LINGO2: variants seen among roughly 807,000 people sequenced by gnomAD.
The protein encoded by LINGO2 is leucine-rich repeat and immunoglobulin-like domain-containing nogo receptor-interacting protein 2.
In LINGO2, 14 loss-of-function variants were observed where a neutral mutation model predicts 30.6. That is an observed-to-expected ratio of 0.46 (90% confidence interval 0.30 to 0.72). The LOEUF (loss-of-function observed/expected upper bound fraction) is 0.72, where lower values mean the gene tolerates loss of function less well. Among genes scored for constraint, LINGO2 ranks in the 30% least tolerant of loss-of-function variants. The pLI is 0.07. For synonymous variants in LINGO2, 317 were observed against 288.5 expected (o/e 1.10, Z -1.00); for missense variants, 729 against 751.7 (o/e 0.97, Z 0.35).
chr9:28,395,158 G>C (rs908879714), intron 2 of LINGO2, among the ~76,000 whole-genome samples: 3 of 152,126 alleles, frequency 2.0e-5, no homozygotes, highest in Non-Finnish European at 4.4e-5. Flanking sequence ...ACTGATAACT[G>C]TCCTTATTTG....
intron 2 of LINGO2, among the ~76,000 whole-genome samples, chr9:28,385,542 A>G (rs1422920819): frequency 6.6e-6 from 1 of 152,138 alleles, no homozygotes. Flanking sequence ...CTGGGCAAAT[A>G]AAATTAGGCT....
At chr9:28,734,434 C>T in the LINGO2 span, among the ~76,000 whole-genome samples, 199 of 152,126 alleles carry the variant, frequency 1.3e-3, 1 homozygote, top group South Asian at 9.2e-3. Context: ...CCTCAGTTGA[C>T]GGCAGGAAAC....
chr9:28,195,365 C>T (rs1045414316), intron 4 of LINGO2, among the ~76,000 whole-genome samples: 14 of 126,336 alleles, frequency 1.1e-4, no homozygotes, highest in Non-Finnish European at 1.3e-4. Context: ...AGAAAGTTGC[C>T]TTTAAATAAC....
At chr9:28,275,892 A>C (rs2134106574) in intron 4 of LINGO2, among the ~76,000 whole-genome samples, 1 of 152,322 alleles carries the variant, frequency 6.6e-6, no homozygotes, top group East Asian at 1.9e-4. Flanking sequence ...CAGAGAATCA[A>C]GTAGAGCAAA....
chr9:28,816,103 C>T, the LINGO2 span, among the ~76,000 whole-genome samples: 3 of 152,092 alleles, frequency 2.0e-5, no homozygotes, highest in African/African-American at 4.8e-5. Flanking sequence ...ATGAGGAATC[C>T]GCATCTACCA....
chr9:28,882,359 A>C, the LINGO2 span, among the ~76,000 whole-genome samples: 2 of 152,170 alleles, frequency 1.3e-5, no homozygotes, highest in East Asian at 3.9e-4. Context: ...GACAGTCCTG[A>C]GTTTGAACTC....
the LINGO2 span, among the ~76,000 whole-genome samples, chr9:28,717,442 T>A: frequency 2.0e-5 from 3 of 151,162 alleles, no homozygotes; most frequent in Admixed American, 1.3e-4. Context: ...TTGGTAGGGG[T>A]GAGGTAAGTG....
At chr9:27,975,768 C>T (rs140233100) in intron 5 of LINGO2, among the ~76,000 whole-genome samples, 34 of 152,198 alleles carry the variant, frequency 2.2e-4, no homozygotes, top group African/African-American at 7.9e-4. Context: ...TGAAAGGCTG[C>T]AAGTGCATTG....
chr9:28,740,091 C>T, the LINGO2 span, among the ~76,000 whole-genome samples: 2 of 150,140 alleles, frequency 1.3e-5, no homozygotes, highest in South Asian at 4.2e-4. Context: ...TTCCACTGCC[C>T]CCAGAAAAAT....
At chr9:27,969,849 G>T (rs1032587147) in intron 5 of LINGO2, among the ~76,000 whole-genome samples, 46 of 151,872 alleles carry the variant, frequency 3.0e-4, no homozygotes, top group African/African-American at 9.9e-4. Flanking sequence ...GCAGAACTAG[G>T]ATTCCAATGC....
At chr9:28,909,837 A>T in the LINGO2 span, among the ~76,000 whole-genome samples, 1 of 152,062 alleles carries the variant, frequency 6.6e-6, no homozygotes, top group Non-Finnish European at 1.5e-5. Flanking sequence ...AAAGAGTGAA[A>T]AACATGTATA....
chr9:28,830,219 AT>A, the LINGO2 span, among the ~76,000 whole-genome samples: 6 of 152,236 alleles, frequency 3.9e-5, 1 homozygote, highest in South Asian at 1.2e-3. Context: ...ATGGAGAAAA[AT>A]GCTTGCTTCT....
chr9:28,255,751 T>C (rs1343487395), intron 4 of LINGO2, among the ~76,000 whole-genome samples: 1 of 152,110 alleles, frequency 6.6e-6, no homozygotes, highest in African/African-American at 2.4e-5. Flanking sequence ...TTTGCAATTC[T>C]ATTTCCTGAT....
chr9:28,327,331 A>T (rs928641292), intron 3 of LINGO2, among the ~76,000 whole-genome samples: 21 of 152,316 alleles, frequency 1.4e-4, no homozygotes, highest in African/African-American at 5.1e-4. Flanking sequence ...CAGCTGAATG[A>T]GTATTAAGTC....
intron 1 of LINGO2, among the ~76,000 whole-genome samples, chr9:28,500,289 T>C (rs1819832067): frequency 6.6e-6 from 1 of 152,154 alleles, no homozygotes; most frequent in South Asian, 2.1e-4. Flanking sequence ...TTAGACATCC[T>C]TCTCCTTCCT....
At chr9:29,158,554 GTCAATTTTCTCCAAAGCA>G in the LINGO2 span, among the ~76,000 whole-genome samples, 1 of 151,846 alleles carries the variant, frequency 6.6e-6, no homozygotes, top group East Asian at 1.9e-4. Flanking sequence ...AAGCTCTCAA[GTCAATTTTCTCCAAAGCA>G]TCTCAGAATT....
the LINGO2 span, among the ~76,000 whole-genome samples, chr9:28,686,881 A>G: frequency 6.6e-6 from 1 of 152,032 alleles, no homozygotes; most frequent in South Asian, 2.1e-4. Flanking sequence ...CAATTTTGAA[A>G]CGGTGGAATT....
At chr9:27,948,611 A>G (rs1823461365) in exon 6 of LINGO2, 2 of 445,784 alleles carry the variant, frequency 4.5e-6, no homozygotes, top group South Asian at 1.1e-4. Flanking sequence ...AGATCCCCAG[A>G]ACGCCAATAT....
intron 4 of LINGO2, among the ~76,000 whole-genome samples, chr9:28,287,623 A>C (rs1020717325): frequency 2.6e-5 from 4 of 152,168 alleles, no homozygotes; most frequent in African/African-American, 9.7e-5. Flanking sequence ...AAACACAGTG[A>C]TTGATGTGAT....
Sources: gnomAD v4.1 joint callset for allele counts (sites outside exome capture counted in the v4.1 genomes callset) on GRCh38, gnomAD v4.1.1 for gene constraint, MANE v1.5 for transcripts, NCBI Gene and HGNC (gene_info 2026-07-23, HGNC 2026-07-21) for gene names.